CPT1A: variants seen among roughly 807,000 people sequenced by gnomAD.
CPT1A encodes carnitine O-palmitoyltransferase 1, liver isoform.
A neutral mutation model predicts 100.8 loss-of-function variants in CPT1A; 64 were observed. That is an observed-to-expected ratio of 0.63 (90% CI 0.52 to 0.78). The LOEUF (loss-of-function observed/expected upper bound fraction) is 0.78. Among genes scored for constraint, CPT1A ranks in the 30% least tolerant of loss-of-function variants. CPT1A has a pLI of 0.00. For synonymous variants in CPT1A, 363 were observed against 396.0 expected, an observed-to-expected ratio of 0.92 and a Z score of 0.99; for missense variants, 802 against 1,034.1, an observed-to-expected ratio of 0.78 and a Z score of 3.08.
intron 1 of CPT1A, among the ~76,000 whole-genome samples, chr11:68,840,028 A>G (rs1857120881): frequency 6.6e-6 from 1 of 152,220 alleles, no homozygotes; most frequent in African/African-American, 2.4e-5. Flanking sequence ...TCCAACTGTT[A>G]AGATAGGGTT....
At chr11:68,808,006 G>A (rs1856096844) in intron 3 of CPT1A, among the ~76,000 whole-genome samples, 2 of 152,236 alleles carry the variant, frequency 1.3e-5, no homozygotes, top group South Asian at 4.1e-4. Context: ...CAGGACCAAC[G>A]GCAGAGGGGA....
intron 1 of CPT1A, among the ~76,000 whole-genome samples, chr11:68,825,790 A>G (rs11228368): frequency 0.4 from 60,608 of 151,884 alleles, 14,996 homozygotes; most frequent in Admixed American, 0.59. Context: ...TCCCCAGAAG[A>G]GGGCACACCT....
Position 68,838,571 on chromosome 11 carries a change from T to TAAAAAAAAAAAAAAAAAAAAA in CPT1A, c.-14+3203_-14+3204insTTTTTTTTTTTTTTTTTTTTT, listed in dbSNP as rs1177976460. On this transcript the variant is annotated intron_variant, in intron 1 of 18. Transcript: ENST00000265641. The stretch of plus-strand genomic sequence containing the variant: ...GACTCTACTCTGTATCTGCACCTTT[T>TAAAAAAAAAAAAAAAAAAAAA]TAAAAAAAAAAAAAAAAAAACAGAG... Among the ~76,000 whole-genome samples, 28 of 74,236 alleles carry TAAAAAAAAAAAAAAAAAAAAA rather than the reference T, an allele frequency of 3.8e-4. 7 individuals are homozygous for TAAAAAAAAAAAAAAAAAAAAA. The highest frequency in any genetic ancestry group is 9.3e-4 in the South Asian group (2 of 2,144). 48.7% of individuals were successfully genotyped at this position (74,236 alleles called of 152,430 possible).
rs139468484 is a variant in CPT1A at position 68,794,238 on chromosome 11, A to G, written c.879+566T>C. 1.5e-3 allele frequency among the ~76,000 whole-genome samples: 236 copies of G among 152,318 alleles called. 2 individuals are homozygous for G. The East Asian group carries it at 0.033, about 22-fold the overall frequency. On this transcript the variant is annotated intron_variant, in intron 8 of 18. Coordinates refer to ENST00000265641, the MANE Select transcript of CPT1A (RefSeq NM_001876.4). ...AGCTTTAAAAATTGCAAACTAATCTAGAGTGACAGATAGTAGACCAGGGGG... is the reference window on the plus strand; with the variant it reads ...AGCTTTAAAAATTGCAAACTAATCTGGAGTGACAGATAGTAGACCAGGGGG...
intron 9 of CPT1A, among the ~76,000 whole-genome samples, chr11:68,786,626 G>A (rs962590911): frequency 6.6e-6 from 1 of 152,194 alleles, no homozygotes; most frequent in Non-Finnish European, 1.5e-5. Flanking sequence ...CGCCTCCCGG[G>A]TTCAAGCTTC....
chr11:68,843,947 C>CG (rs1462839383), upstream of CPT1A, among the ~76,000 whole-genome samples: 2 of 152,262 alleles, frequency 1.3e-5, no homozygotes, highest in African/African-American at 4.8e-5. This position sits in a 1 kb window ranked among gnomAD's most constrained non-coding sequence, Gnocchi z 4.0. Flanking sequence ...GACAGGTCCC[C>CG]GCTCCAAGGT....
chr11:68,773,163 T>G (rs1294358562), intron 14 of CPT1A, 102 bp downstream of exon 14: 11 of 1,571,580 alleles, frequency 7.0e-6, no homozygotes, highest in Non-Finnish European at 9.5e-6. Flanking sequence ...GCTTCTCCTA[T>G]GCCGGGTTTC....
intron 5 of CPT1A, among the ~76,000 whole-genome samples, chr11:68,801,779 G>C (rs1175319344): frequency 6.6e-6 from 1 of 151,596 alleles, no homozygotes; most frequent in Non-Finnish European, 1.5e-5. Flanking sequence ...AAAAACTAAA[G>C]CACCCATGCA....
chr11:68,761,159 C>T (rs1566339459), intron 16 of CPT1A, among the ~76,000 whole-genome samples: 1 of 151,372 alleles, frequency 6.6e-6, no homozygotes, highest in Non-Finnish European at 1.5e-5. Context: ...GCCTGGGCAA[C>T]ACTGTAAGAC....
intron 15 of CPT1A, among the ~76,000 whole-genome samples, chr11:68,761,991 C>G (rs370663320): frequency 6.6e-6 from 1 of 152,236 alleles, no homozygotes; most frequent in East Asian, 1.9e-4. Context: ...CGGAAAGCAC[C>G]TGCACGCTCT....
intron 1 of CPT1A, among the ~76,000 whole-genome samples, chr11:68,819,940 T>C (rs1856533711): frequency 6.6e-6 from 1 of 152,226 alleles, no homozygotes; most frequent in African/African-American, 2.4e-5. Context: ...GGTTCTGGCC[T>C]GGATCAGTGG....
chr11:68,813,648 G>A (rs2154001238), intron 2 of CPT1A, among the ~76,000 whole-genome samples: 1 of 147,650 alleles, frequency 6.8e-6, no homozygotes, highest in South Asian at 2.2e-4. Context: ...AGTGAGCCGT[G>A]ATCGCACCAC....
chr11:68,788,513 C>T (rs936194307), intron 9 of CPT1A, among the ~76,000 whole-genome samples: 6 of 151,602 alleles, frequency 4.0e-5, no homozygotes, highest in Admixed American at 1.3e-4. Flanking sequence ...GCAGGACAAT[C>T]GCTTGAAACT....
chr11:68,787,555 C>T (rs1391989425), intron 9 of CPT1A, among the ~76,000 whole-genome samples: 2 of 152,150 alleles, frequency 1.3e-5, no homozygotes, highest in African/African-American at 4.8e-5. Flanking sequence ...TCCTAACCCC[C>T]AGCACCTCAG....
At chr11:68,807,737 A>T in intron 3 of CPT1A, 99 bp from the exon 4 acceptor site, 2 of 1,184,006 alleles carry the variant, frequency 1.7e-6, no homozygotes, top group Non-Finnish European at 2.4e-6. Flanking sequence ...TGCAGGGTCC[A>T]GCAGCCTGCC....
rs1566335222 is a variant in CPT1A at position 68,756,251 on chromosome 11, A to G, written c.*1393T>C. The G allele has an allele frequency of 6.6e-6, 1 of 152,262 alleles. No individual in the cohort carries two copies. The highest frequency in any genetic ancestry group is 1.5e-5 in the Non-Finnish European group (1 of 68,046). 9.4% of individuals were successfully genotyped at this position (152,262 alleles called of 1,614,324 possible). A position where few individuals can be genotyped will look rare whatever the true frequency, so the allele number is the denominator to read the frequency against. ...GCCCAACTAGAACCAAGTGGTCAAA[A>G]AAATAAATACACAATTTAAAACAAT... On this transcript the variant is annotated 3_prime_UTR_variant, in exon 19 of 19. Transcript: ENST00000265641.
chr11:68,762,655 A>C lies in CPT1A; in HGVS notation c.1847T>G (p.Val616Gly). ...RSCTTESCDF[V>G]RAMVDPAQTV... is the part of the protein sequence containing the mutation. ...CTGGGCCGGGTCCACCATGGCCCGC[A>C]CGAAGTCGCATGACTCAGTGGTGCA... Residue 616 changes from valine (V) to glycine (G), a missense_variant, in exon 15 of 19, where the codon GTG becomes GGG. Coordinates refer to ENST00000265641, the MANE Select transcript of CPT1A (RefSeq NM_001876.4). 6.2e-7 allele frequency: 1 copy of C among 1,613,904 alleles called. No homozygotes were observed.
chr11:68,764,627 C>T (rs1470243073), intron 14 of CPT1A, among the ~76,000 whole-genome samples: 1 of 152,208 alleles, frequency 6.6e-6, no homozygotes, highest in Non-Finnish European at 1.5e-5. Flanking sequence ...CACCTGCACA[C>T]AGGCCCAGCT....
At chr11:68,792,686 C>A (rs888978301) in intron 9 of CPT1A, among the ~76,000 whole-genome samples, 1 of 152,236 alleles carries the variant, frequency 6.6e-6, no homozygotes, top group African/African-American at 2.4e-5. Context: ...CCGAGCACGA[C>A]CCAGTGTGCG....
Sources: allele counts gnomAD v4.1 joint callset (sites outside exome capture counted in the v4.1 genomes callset), GRCh38; gene constraint gnomAD v4.1.1; non-coding constraint Gnocchi (gnomAD v3.1); transcripts MANE v1.5; gene names NCBI Gene and HGNC (gene_info 2026-07-23, HGNC 2026-07-21).